CSMD1: variants seen among roughly 807,000 people sequenced by gnomAD.
The protein encoded by CSMD1 is CUB and Sushi multiple domains 1, also known as CUB and sushi domain-containing protein 1.
Under a neutral mutation model 417.5 loss-of-function variants are expected in CSMD1, and 213 were observed. That is an observed-to-expected ratio of 0.51 (90% confidence interval 0.46 to 0.57). CSMD1 has a LOEUF of 0.57. Among genes scored for constraint, CSMD1 ranks in the 20% least tolerant of loss-of-function variants. CSMD1 has a pLI of 0.00. For synonymous variants in CSMD1, 2,862 were observed against 1,736.8 expected (o/e 1.65, Z -16.11); for missense variants, 6,923 against 4,529.7 (o/e 1.53, Z -15.17).
chr8:3,513,302 C>T (rs1797154978), intron 10 of CSMD1, among the ~76,000 whole-genome samples: 1 of 151,352 alleles, frequency 6.6e-6, no homozygotes, highest in African/African-American at 2.4e-5. Context: ...GTGAAGAAAT[C>T]CATAGGTAAG....
At chr8:3,291,354 A>G (rs550698984) in intron 25 of CSMD1, among the ~76,000 whole-genome samples, 1 of 27,498 alleles carries the variant, frequency 3.6e-5, no homozygotes, top group Non-Finnish European at 1.2e-4. Context: ...TAAGTTAGGG[A>G]GGATTCCCAT....
chr8:4,196,832 G>T (rs1799366858), intron 3 of CSMD1, among the ~76,000 whole-genome samples: 1 of 152,106 alleles, frequency 6.6e-6, no homozygotes, highest in South Asian at 2.1e-4. Flanking sequence ...CACACTGGGG[G>T]TGATATTTAG....
intron 1 of CSMD1, among the ~76,000 whole-genome samples, chr8:4,976,380 T>G (rs1250435741): frequency 6.6e-6 from 1 of 152,238 alleles, no homozygotes; most frequent in Non-Finnish European, 1.5e-5. Flanking sequence ...TCTATTTACA[T>G]ACTACATTAA....
intron 11 of CSMD1, among the ~76,000 whole-genome samples, chr8:3,482,687 A>G (rs1817814765): frequency 6.6e-6 from 1 of 152,226 alleles, no homozygotes; most frequent in African/African-American, 2.4e-5. Flanking sequence ...TGTTTTTCAA[A>G]GCCCTATGAA....
At chr8:4,029,537 A>T (rs1797233647) in intron 4 of CSMD1, among the ~76,000 whole-genome samples, 1 of 152,138 alleles carries the variant, frequency 6.6e-6, no homozygotes, top group Admixed American at 6.5e-5. Context: ...GCAGGAAAGA[A>T]CTGCCTCCAT....
At chr8:3,295,764 T>G (rs1248152733) in intron 25 of CSMD1, among the ~76,000 whole-genome samples, 5 of 152,194 alleles carry the variant, frequency 3.3e-5, no homozygotes, top group Non-Finnish European at 7.3e-5. Flanking sequence ...TACATATATA[T>G]AGAAAATTTG....
chr8:4,304,877 T>C (rs1798160829), intron 3 of CSMD1, among the ~76,000 whole-genome samples: 1 of 152,222 alleles, frequency 6.6e-6, no homozygotes, highest in Non-Finnish European at 1.5e-5. Context: ...TCACAAAATA[T>C]ACTCTTAATC....
chr8:4,920,992 A>T (rs1317812191), intron 1 of CSMD1, among the ~76,000 whole-genome samples: 2 of 57,430 alleles, frequency 3.5e-5, no homozygotes, highest in Non-Finnish European at 7.3e-5. Flanking sequence ...CAAAGAAAGA[A>T]AGAAAAGAAA....
chr8:4,013,491 G>C (rs563368585), intron 4 of CSMD1, among the ~76,000 whole-genome samples: 3 of 152,120 alleles, frequency 2.0e-5, no homozygotes, highest in Non-Finnish European at 1.5e-5. Flanking sequence ...AAGACCAGGA[G>C]AGTCCTGTCC....
At chr8:3,649,678 C>A (rs898978055) in intron 7 of CSMD1, among the ~76,000 whole-genome samples, 1 of 152,182 alleles carries the variant, frequency 6.6e-6, no homozygotes, top group East Asian at 1.9e-4. Flanking sequence ...TCCACCTGGT[C>A]TCTGCCTTGA....
At chr8:4,810,688 T>G (rs887236411) in intron 1 of CSMD1, among the ~76,000 whole-genome samples, 1 of 152,226 alleles carries the variant, frequency 6.6e-6, no homozygotes, top group African/African-American at 2.4e-5. Flanking sequence ...AATGTTCCAA[T>G]GTCAATGAGA....
At chr8:4,224,258 C>G (rs1486536237) in intron 3 of CSMD1, among the ~76,000 whole-genome samples, 1 of 151,902 alleles carries the variant, frequency 6.6e-6, no homozygotes, top group African/African-American at 2.4e-5. Flanking sequence ...TTTGAAAATG[C>G]TTGCACACGT....
At chr8:3,562,259 G>C (rs1411542926) in intron 10 of CSMD1, among the ~76,000 whole-genome samples, 1 of 152,108 alleles carries the variant, frequency 6.6e-6, no homozygotes, top group Non-Finnish European at 1.5e-5. Flanking sequence ...CTAGTGGCAT[G>C]GAGGCCACAA....
chr8:4,369,575 A>C (rs1227735747), intron 3 of CSMD1, among the ~76,000 whole-genome samples: 1 of 151,220 alleles, frequency 6.6e-6, no homozygotes, highest in Non-Finnish European at 1.5e-5. Context: ...TGGTTGTCTA[A>C]GTCTGTCTGT....
At chr8:3,314,179 G>C (rs1018084347) in intron 23 of CSMD1, among the ~76,000 whole-genome samples, 53 of 152,212 alleles carry the variant, frequency 3.5e-4, no homozygotes, top group Non-Finnish European at 6.2e-4. Context: ...TAAATGACTA[G>C]TTAATGGGTG....
chr8:4,388,315 CACACAG>C (rs112691903), intron 3 of CSMD1, among the ~76,000 whole-genome samples: 11,506 of 98,754 alleles, frequency 0.12, 474 homozygotes, highest in Middle Eastern at 0.19. Context: ...CACACACACA[CACACAG>C]ACACACACAC....
At chr8:3,353,896 GT>G (rs1361633974) in intron 21 of CSMD1, among the ~76,000 whole-genome samples, 3 of 152,110 alleles carry the variant, frequency 2.0e-5, no homozygotes, top group African/African-American at 7.2e-5. Flanking sequence ...GAAGAAAGGA[GT>G]TAATTGATTT....
intron 2 of CSMD1, among the ~76,000 whole-genome samples, chr8:4,468,184 G>A (rs556686780): frequency 1.1e-4 from 16 of 152,214 alleles, no homozygotes; most frequent in Non-Finnish European, 2.1e-4. Context: ...CACTTGTCAC[G>A]CTGTGTAAGT....
intron 1 of CSMD1, among the ~76,000 whole-genome samples, chr8:4,797,594 T>C (rs1798051074): frequency 6.6e-6 from 1 of 151,872 alleles, no homozygotes; most frequent in Non-Finnish European, 1.5e-5. Flanking sequence ...TATTCCAGGG[T>C]ATGGGGGGAG....
Sources: allele counts gnomAD v4.1 joint callset (sites outside exome capture counted in the v4.1 genomes callset), GRCh38; gene constraint gnomAD v4.1.1; transcripts MANE v1.5; gene names NCBI Gene and HGNC (gene_info 2026-07-23, HGNC 2026-07-21).